Variants in ETV6 observed in about 807,000 individuals in gnomAD.
ETV6 encodes ETS variant transcription factor 6.
A neutral mutation model predicts 51.1 loss-of-function variants in ETV6; 16 were observed. The observed-to-expected ratio is 0.31, with a 90% CI of 0.21 to 0.48. The LOEUF is 0.48. Ranked by LOEUF, ETV6 falls within the 20% of genes least tolerant of loss-of-function variation. The pLI, the probability that ETV6 is intolerant of heterozygous loss-of-function variation, is 0.99. For synonymous variants in ETV6, 240 were observed against 224.1 expected (o/e 1.07, Z -0.64); for missense variants, 458 against 594.8 (o/e 0.77, Z 2.39).
At chr12:11,676,381 A>G (rs771522025) in intron 1 of ETV6, among the ~76,000 whole-genome samples, 3 of 152,006 alleles carry the variant, frequency 2.0e-5, no homozygotes, top group African/African-American at 4.8e-5. Flanking sequence ...ACAAATTTCT[A>G]TTACTCTCAG....
intron 1 of ETV6, among the ~76,000 whole-genome samples, chr12:11,694,266 A>G (rs1440094306): frequency 6.6e-6 from 1 of 152,178 alleles, no homozygotes; most frequent in Non-Finnish European, 1.5e-5. Context: ...GTGAGTCTGC[A>G]TATTATTTAA....
At chr12:11,856,126 C>G (rs922731378) in intron 4 of ETV6, among the ~76,000 whole-genome samples, 14 of 152,152 alleles carry the variant, frequency 9.2e-5, no homozygotes, top group African/African-American at 3.4e-4. Context: ...CCTGATTTGA[C>G]TCAGCAGTAG....
intron 2 of ETV6, among the ~76,000 whole-genome samples, chr12:11,804,609 T>C (rs1945801911): frequency 2.0e-5 from 3 of 152,240 alleles, no homozygotes; most frequent in Admixed American, 1.3e-4. Context: ...TGCTTAAATA[T>C]CACCTCCTTA....
chr12:11,821,617 GC>G (rs1338827071), intron 2 of ETV6, among the ~76,000 whole-genome samples: 3 of 151,916 alleles, frequency 2.0e-5, no homozygotes, highest in African/African-American at 7.3e-5. Flanking sequence ...CAGGAGGATT[GC>G]TTGAGGCTAG....
chr12:11,695,102 T>C (rs1591614576), intron 1 of ETV6, among the ~76,000 whole-genome samples: 1 of 152,168 alleles, frequency 6.6e-6, no homozygotes, highest in Non-Finnish European at 1.5e-5. Context: ...GTGAGACTCA[T>C]CTGATGTGAA....
In ETV6 at chr12:11,853,600, G is replaced by A. The variant is rs756365247; in HGVS notation, c.463+39G>A. 5 of 1,607,176 alleles carry A rather than the reference G, an allele frequency of 3.1e-6. No individual in the cohort carries two copies. In the East Asian group the frequency reaches 8.9e-5, roughly 29 times the overall value. On this transcript the variant is annotated intron_variant, in intron 4 of 7. Transcript: ENST00000396373. ...TTTCTCTTTTCTTGCCTGAGGTTTA[G>A]ACAAATCCAGGAAGTTTAATTGTTA...
intron 1 of ETV6, among the ~76,000 whole-genome samples, chr12:11,680,050 A>G (rs1199925737): frequency 2.0e-5 from 3 of 152,192 alleles, no homozygotes; most frequent in East Asian, 3.8e-4. Flanking sequence ...GTAAAAGTTG[A>G]GACATCCAGC....
At chr12:11,871,843 G>C (rs2136548101) in intron 5 of ETV6, among the ~76,000 whole-genome samples, 1 of 152,142 alleles carries the variant, frequency 6.6e-6, no homozygotes, top group South Asian at 2.1e-4. Context: ...ACATTAGATT[G>C]TTTTAATCAG....
chr12:11,796,206 A>G (rs1945674409), intron 2 of ETV6, among the ~76,000 whole-genome samples: 1 of 152,166 alleles, frequency 6.6e-6, no homozygotes, highest in Non-Finnish European at 1.5e-5. Context: ...CTTAAGTGAA[A>G]AGGACTAGTT....
At chr12:11,832,632 A>T (rs1946261616) in intron 2 of ETV6, among the ~76,000 whole-genome samples, 1 of 152,232 alleles carries the variant, frequency 6.6e-6, no homozygotes, top group African/African-American at 2.4e-5. Context: ...AGACATTATC[A>T]CTTTGGAGCC....
intron 2 of ETV6, among the ~76,000 whole-genome samples, chr12:11,832,381 C>G (rs1946256747): frequency 6.6e-6 from 1 of 152,180 alleles, no homozygotes; most frequent in South Asian, 2.1e-4. Flanking sequence ...ATGCAAGGCT[C>G]TTGGCCCGGA....
In ETV6 at chr12:11,829,636, G is replaced by A. The variant is rs543296572; in HGVS notation, c.164-9504G>A. Among the ~76,000 whole-genome samples the A allele has an allele frequency of 7.8e-4, 119 of 152,284 alleles. 1 individual carries two copies. The Middle Eastern group carries it at 0.01, about 13-fold the overall frequency. Reference sequence around the variant, plus strand: ...TCAACAGGTTTTCTGCTAAAAACCCGTTTGTAGCTAAAACTAGATAAAAGT... The same window carrying A: ...TCAACAGGTTTTCTGCTAAAAACCCATTTGTAGCTAAAACTAGATAAAAGT... On this transcript the variant is annotated intron_variant, in intron 2 of 7. Transcript: ENST00000396373.
At chr12:11,883,269 T>TCTC (rs1947129156) in intron 5 of ETV6, among the ~76,000 whole-genome samples, 1 of 25,400 alleles carries the variant, frequency 3.9e-5, no homozygotes, top group African/African-American at 9.0e-5. Flanking sequence ...GTACATCATG[T>TCTC]CTTCTTCTTT....
At chr12:11,700,865 T>A (rs987465022) in intron 1 of ETV6, among the ~76,000 whole-genome samples, 3 of 152,070 alleles carry the variant, frequency 2.0e-5, no homozygotes, top group Non-Finnish European at 4.4e-5. Flanking sequence ...AATTCACATA[T>A]AAGTGGACAC....
chr12:11,793,384 C>G (rs766306748), intron 2 of ETV6, among the ~76,000 whole-genome samples: 1 of 152,244 alleles, frequency 6.6e-6, no homozygotes, highest in East Asian at 1.9e-4. Context: ...GTGCTGCTTA[C>G]CACAGGTGCC....
chr12:11,823,732 C>A (rs1324561096), intron 2 of ETV6, among the ~76,000 whole-genome samples: 1 of 152,084 alleles, frequency 6.6e-6, no homozygotes, highest in African/African-American at 2.4e-5. Flanking sequence ...TCCCAAAATG[C>A]GGGATTACAG....
intron 4 of ETV6, among the ~76,000 whole-genome samples, chr12:11,862,835 C>G (rs747778931): frequency 2.0e-5 from 3 of 152,074 alleles, no homozygotes; most frequent in Non-Finnish European, 4.4e-5. Context: ...CATAAGAGAC[C>G]GGGAGTGGTA....
intron 2 of ETV6, among the ~76,000 whole-genome samples, chr12:11,798,396 T>C (rs1439950761): frequency 2.0e-5 from 3 of 152,184 alleles, no homozygotes; most frequent in Non-Finnish European, 4.4e-5. Context: ...AAAATCATGC[T>C]GGTCATGCCC....
intron 3 of ETV6, among the ~76,000 whole-genome samples, chr12:11,843,170 C>G (rs1197283244): frequency 6.6e-6 from 1 of 152,324 alleles, no homozygotes; most frequent in Admixed American, 6.5e-5. Context: ...TACCACAGAA[C>G]ACAGGAGTAT....
Sources: gnomAD v4.1 joint callset for allele counts (sites outside exome capture counted in the v4.1 genomes callset) on GRCh38, gnomAD v4.1.1 for gene constraint, MANE v1.5 for transcripts, NCBI Gene and HGNC (gene_info 2026-07-23, HGNC 2026-07-21) for gene names.